TMPRSS11A: variants seen among roughly 807,000 people sequenced by gnomAD.
TMPRSS11A encodes transmembrane serine protease 11A.
TMPRSS11A carries 53 observed loss-of-function variants against 58.9 expected under a neutral mutation model. The observed-to-expected ratio is 0.90, with a 90% CI of 0.72 to 1.13. The LOEUF (loss-of-function observed/expected upper bound fraction) is 1.13. Ranked by LOEUF, TMPRSS11A falls within the 50% of genes most tolerant of loss-of-function variation. The probability of loss-of-function intolerance (pLI) is 0.00; values close to 1 mark genes in which losing one functional copy is unlikely to be tolerated. For missense variants in TMPRSS11A, 493 were observed against 499.3 expected (o/e 0.99, Z 0.12); for synonymous variants, 167 against 169.8 (o/e 0.98, Z 0.13).
chr4:67,946,554 G>A lies in TMPRSS11A; in HGVS notation c.29C>T (p.Thr10Ile), dbSNP rs781598651. The change falls in exon 2 of 10, where the codon ACC (threonine) becomes ATC (isoleucine). Residue 10 changes from threonine (T) to isoleucine (I), a missense_variant. Thr to Ile is a moderately conservative substitution (Grantham distance 89, BLOSUM62 -1). Transcript: ENST00000508048. MMYRTVGFG[T>I]RSRNLKPWMI... ...CCATGGCTTCAGATTTCTGCTTCGG[G>A]TGCCAAATCCCACTGTCCTGAGAAA... 2.5e-6 allele frequency: 4 copies of A among 1,611,166 alleles called. 1 individual carries two copies. The South Asian group carries it at 3.3e-5, about 13-fold the overall frequency.
chr4:67,946,601 C>G (rs1220641754), intron 1 of TMPRSS11A, 30 bp from the exon 2 acceptor site: 3 of 1,591,044 alleles, frequency 1.9e-6, no homozygotes, highest in Non-Finnish European at 2.6e-6. Context: ...ACTGGTTACT[C>G]TCAGATAGCA....
chr4:67,944,509 C>T lies in TMPRSS11A; in HGVS notation c.252+10G>A, dbSNP rs767964251. ...TTATTCTATGATAAAAAGAAGTTTA[C>T]CTGACTCACCAAATTTTCGGTCGTC... On this transcript the variant is annotated intron_variant, in intron 3 of 9. Coordinates refer to ENST00000508048, the MANE Select transcript of TMPRSS11A (RefSeq NM_001114387.2). 6 of 1,606,350 alleles carry T rather than the reference C, an allele frequency of 3.7e-6. No homozygotes were observed. Among genetic ancestry groups the T allele is most frequent in the Admixed American group, 3.4e-5 (2 of 58,616 alleles).
At chr4:67,952,100 T>C (rs778400627) in intron 1 of TMPRSS11A, among the ~76,000 whole-genome samples, 1 of 152,230 alleles carries the variant, frequency 6.6e-6, no homozygotes, top group Non-Finnish European at 1.5e-5. Flanking sequence ...AACTGCTATT[T>C]AGGAAGTGCT....
intron 3 of TMPRSS11A, among the ~76,000 whole-genome samples, chr4:67,934,345 T>C (rs1018392002): frequency 3.9e-5 from 6 of 152,176 alleles, no homozygotes; most frequent in African/African-American, 1.4e-4. Context: ...AAACTAGCTT[T>C]CTAAAGACCC....
At chr4:67,917,908 C>A (rs1056916776) in intron 8 of TMPRSS11A, among the ~76,000 whole-genome samples, 1 of 152,124 alleles carries the variant, frequency 6.6e-6, no homozygotes, top group African/African-American at 2.4e-5. Flanking sequence ...AATTAATAAA[C>A]CATAGGTAAT....
chr4:67,959,863 T>C (rs1461486992), intron 1 of TMPRSS11A, among the ~76,000 whole-genome samples: 2 of 152,222 alleles, frequency 1.3e-5, no homozygotes, highest in African/African-American at 4.8e-5. Context: ...AAAAGATACA[T>C]GCACTCATGT....
chr4:67,953,611 C>T (rs778619708), intron 1 of TMPRSS11A, among the ~76,000 whole-genome samples: 8 of 152,078 alleles, frequency 5.3e-5, no homozygotes, highest in Admixed American at 1.3e-4. Context: ...CCAGCCTAAC[C>T]AACATGGAGA....
chr4:67,916,271 T>TA (rs559662435), intron 8 of TMPRSS11A, among the ~76,000 whole-genome samples: 2,551 of 149,046 alleles, frequency 0.017, 28 homozygotes, highest in Non-Finnish European at 0.027. Flanking sequence ...ATACATCAAT[T>TA]AAAAAAAAAA....
chr4:67,923,987 A>T (rs971708464), intron 6 of TMPRSS11A, 141 bp downstream of exon 6: 23 of 790,562 alleles, frequency 2.9e-5, no homozygotes, highest in Non-Finnish European at 4.3e-5. Context: ...TAGAAAAAAA[A>T]TGTATTTAAA....
At chr4:67,927,955 G>A (rs1007669499) in intron 5 of TMPRSS11A, among the ~76,000 whole-genome samples, 24 of 152,214 alleles carry the variant, frequency 1.6e-4, no homozygotes, top group African/African-American at 5.1e-4. Flanking sequence ...GAATTTTACA[G>A]ATGAGAAAAT....
chr4:67,932,187 A>G, intron 3 of TMPRSS11A, 127 bp from the exon 4 acceptor site: 4 of 554,994 alleles, frequency 7.2e-6, no homozygotes, highest in Non-Finnish European at 1.3e-5. Flanking sequence ...AAATTGGTGG[A>G]TCTCAGCTTT....
At chr4:67,956,547 G>A (rs1235844424) in intron 1 of TMPRSS11A, among the ~76,000 whole-genome samples, 1 of 152,132 alleles carries the variant, frequency 6.6e-6, no homozygotes, top group Non-Finnish European at 1.5e-5. Context: ...TGTGATCTGA[G>A]GCAACATTTT....
intron 3 of TMPRSS11A, among the ~76,000 whole-genome samples, chr4:67,933,511 A>G (rs2109751296): frequency 6.6e-6 from 1 of 152,352 alleles, no homozygotes; most frequent in Middle Eastern, 3.4e-3. Context: ...TTGTAGAGAT[A>G]TAGATTTGGT....
At chr4:67,931,439 A>G (rs1049398217) in intron 4 of TMPRSS11A, among the ~76,000 whole-genome samples, 3 of 152,206 alleles carry the variant, frequency 2.0e-5, no homozygotes, top group African/African-American at 7.2e-5. Context: ...AAATAACACA[A>G]TTGAAACTTC....
At chr4:67,916,550 C>T (rs116131379) in intron 8 of TMPRSS11A, among the ~76,000 whole-genome samples, 2,582 of 152,038 alleles carry the variant, frequency 0.017, 28 homozygotes, top group Non-Finnish European at 0.026. Context: ...CATGGCCTGG[C>T]GCGCGGTGGC....
chr4:67,937,333 C>A (rs543631259), intron 3 of TMPRSS11A, among the ~76,000 whole-genome samples: 3 of 152,164 alleles, frequency 2.0e-5, no homozygotes, highest in Admixed American at 1.3e-4. Context: ...CCTACCTTTG[C>A]CTTCCTCACC....
At chr4:67,937,540 T>C (rs2109754639) in intron 3 of TMPRSS11A, among the ~76,000 whole-genome samples, 1 of 152,248 alleles carries the variant, frequency 6.6e-6, no homozygotes, top group Middle Eastern at 3.4e-3. Flanking sequence ...TTCCTGACAG[T>C]AGAACAATTT....
At position 67,926,249 on chromosome 4, in the gene TMPRSS11A, A is replaced by G. The variant is rs530232628; in HGVS notation, c.482-2083T>C. On this transcript the variant is annotated intron_variant, in intron 5 of 9. Transcript: ENST00000508048. ...CACAGTTTTTTTTTGTCAAAACAAA[A>G]TACAGATTCTTGACAAATTATAAAT... 3.9e-5 allele frequency among the ~76,000 whole-genome samples: 6 copies of G among 152,354 alleles called. No homozygotes were observed. In the South Asian group the frequency reaches 1.2e-3, roughly 32 times the overall value.
intron 9 of TMPRSS11A, among the ~76,000 whole-genome samples, chr4:67,911,971 T>C (rs1359178266): frequency 2.0e-5 from 3 of 152,194 alleles, no homozygotes; most frequent in Non-Finnish European, 2.9e-5. Flanking sequence ...CTTTGCAACT[T>C]TTCCACACCA....
Sources: allele counts gnomAD v4.1 joint callset (sites outside exome capture counted in the v4.1 genomes callset), GRCh38; gene constraint gnomAD v4.1.1; transcripts MANE v1.5; gene names NCBI Gene and HGNC (gene_info 2026-07-23, HGNC 2026-07-21).